The following SNX25 variants were observed in gnomAD, a reference collection of about 807,000 sequenced individuals.
The protein encoded by SNX25 is sorting nexin-25.
In SNX25, 62 loss-of-function variants were observed where a neutral mutation model predicts 113.7. The ratio of observed to expected loss-of-function variants is 0.55; its 90% confidence interval spans 0.44 to 0.67. SNX25 has a LOEUF of 0.67. Ranked by LOEUF, SNX25 falls within the 30% of genes least tolerant of loss-of-function variation. SNX25 has a pLI of 0.00. For synonymous variants in SNX25, 421 were observed against 436.2 expected, an observed-to-expected ratio of 0.97 and a Z score of 0.43; for missense variants, 1,014 against 1,161.0, an observed-to-expected ratio of 0.87 and a Z score of 1.84.
chr4:185,206,693 T>C (rs116636934), upstream of SNX25, among the ~76,000 whole-genome samples: 4,043 of 139,128 alleles, frequency 0.029, 79 homozygotes, highest in Middle Eastern at 0.077. Flanking sequence ...GAATGGAAGA[T>C]GTACTAATCT....
At chr4:185,299,472 C>G (rs1170539874) in intron 6 of SNX25, among the ~76,000 whole-genome samples, 3 of 152,148 alleles carry the variant, frequency 2.0e-5, no homozygotes, top group Non-Finnish European at 4.4e-5. Flanking sequence ...CCAAAAGCTT[C>G]TGGTTCTGTA....
At chr4:185,221,930 C>T (rs985045098) in intron 1 of SNX25, among the ~76,000 whole-genome samples, 2 of 152,124 alleles carry the variant, frequency 1.3e-5, no homozygotes, top group African/African-American at 4.8e-5. Flanking sequence ...TTCTCCTTCA[C>T]TGTAGATATA....
At chr4:185,333,448 G>C (rs554099823) in intron 10 of SNX25, among the ~76,000 whole-genome samples, 2 of 152,286 alleles carry the variant, frequency 1.3e-5, no homozygotes, top group Non-Finnish European at 2.9e-5. Context: ...GTGAGCAGGT[G>C]CCCAATCCTA....
chr4:185,324,858 G>A (rs2095145220), intron 9 of SNX25, among the ~76,000 whole-genome samples: 2 of 152,180 alleles, frequency 1.3e-5, no homozygotes, highest in African/African-American at 2.4e-5. Flanking sequence ...AGGGGACGGA[G>A]AGTTTTCTGG....
At position 185,254,673 on chromosome 4, in the gene SNX25, T is replaced by C. The variant is rs934470828; in HGVS notation, c.515-4175T>C. Among the ~76,000 whole-genome samples the C allele has an allele frequency of 2.6e-5, 4 of 152,332 alleles. No homozygotes were observed. The South Asian group carries it at 8.3e-4, about 32-fold the overall frequency. On this transcript the variant is annotated intron_variant, in intron 2 of 18. Transcript: ENST00000652585. ...TTTTTCTCTACTTTGTTACCCTAAA[T>C]CCTGTTTTCAGGTTAACCTAACTAA...
intron 1 of SNX25, among the ~76,000 whole-genome samples, chr4:185,237,519 C>G (rs1298183359): frequency 1.3e-5 from 2 of 152,006 alleles, no homozygotes; most frequent in African/African-American, 4.8e-5. Flanking sequence ...TTTAGAAAAC[C>G]CCTCAATCAA....
At chr4:185,290,701 T>C (rs567486474) in intron 6 of SNX25, among the ~76,000 whole-genome samples, 1 of 152,206 alleles carries the variant, frequency 6.6e-6, no homozygotes, top group South Asian at 2.1e-4. Context: ...TGTATTCTGG[T>C]TGAATTTTAA....
At chr4:185,228,054 G>A (rs1741278160) in intron 1 of SNX25, among the ~76,000 whole-genome samples, 1 of 152,180 alleles carries the variant, frequency 6.6e-6, no homozygotes, top group African/African-American at 2.4e-5. Flanking sequence ...GACCGAGGGT[G>A]TGCCCCGGAC....
At chr4:185,367,360 C>T (rs77624707), downstream of SNX25, 2,377 of 888,630 alleles carry the variant, frequency 2.7e-3, 37 homozygotes, top group African/African-American at 0.037. Flanking sequence ...CAGTGAATTT[C>T]AAGAAAATTT....
chr4:185,356,553 G>A (rs569245011), intron 15 of SNX25, among the ~76,000 whole-genome samples: 2 of 152,100 alleles, frequency 1.3e-5, no homozygotes, highest in Non-Finnish European at 2.9e-5. Flanking sequence ...TTGACTTTAC[G>A]TGAAGAATTC....
At chr4:185,265,421 C>G (rs1312272831) in intron 4 of SNX25, among the ~76,000 whole-genome samples, 2 of 152,106 alleles carry the variant, frequency 1.3e-5, no homozygotes, top group Non-Finnish European at 2.9e-5. Flanking sequence ...ATTTGTGTAT[C>G]TAAGTATAGA....
chr4:185,301,361 A>T (rs1300355013), intron 6 of SNX25, among the ~76,000 whole-genome samples: 1 of 152,212 alleles, frequency 6.6e-6, no homozygotes, highest in East Asian at 1.9e-4. Flanking sequence ...GCATCTCTTC[A>T]TCTGTATCGT....
chr4:185,340,265 G>A (rs1158582845), intron 11 of SNX25, among the ~76,000 whole-genome samples: 1 of 152,094 alleles, frequency 6.6e-6, no homozygotes, highest in Non-Finnish European at 1.5e-5. Flanking sequence ...TCAAGCCAGT[G>A]GCTTGACACT....
Position 185,218,900 on chromosome 4 carries a change from T to A in SNX25, c.429+8645T>A, listed in dbSNP as rs199774907. Among the ~76,000 whole-genome samples, 32 of 147,740 alleles carry A rather than the reference T, an allele frequency of 2.2e-4. No homozygotes were observed. The East Asian group carries it at 6.1e-3, about 28-fold the overall frequency. ...ATTAAACTAATTTTAAAGTTTTTTT[T>A]AATGAGGTTCTGATCTCATACAGAA... On this transcript the variant is annotated intron_variant, in intron 1 of 18. Transcript: ENST00000652585.
At chr4:185,226,528 G>C (rs1741022917) in intron 1 of SNX25, among the ~76,000 whole-genome samples, 1 of 152,208 alleles carries the variant, frequency 6.6e-6, no homozygotes, top group Non-Finnish European at 1.5e-5. Context: ...ATAGCTCACT[G>C]TAGCCTTGAC....
intron 6 of SNX25, among the ~76,000 whole-genome samples, chr4:185,300,459 C>T (rs993747607): frequency 6.6e-5 from 10 of 151,664 alleles, no homozygotes; most frequent in African/African-American, 2.2e-4. Context: ...TGAGCCACCG[C>T]GCCTGGCCAC....
At chr4:185,265,624 A>C (rs982927502) in intron 4 of SNX25, among the ~76,000 whole-genome samples, 1 of 152,232 alleles carries the variant, frequency 6.6e-6, no homozygotes, top group Non-Finnish European at 1.5e-5. Context: ...ACATTTATTT[A>C]AAATTTTATT....
chr4:185,239,386 G>A (rs1164786194), intron 1 of SNX25, among the ~76,000 whole-genome samples: 2 of 152,188 alleles, frequency 1.3e-5, no homozygotes, highest in East Asian at 1.9e-4. Context: ...GGGAGGCTGA[G>A]GCAGGAGAAT....
intron 13 of SNX25, among the ~76,000 whole-genome samples, chr4:185,350,302 C>T (rs2095308899): frequency 6.6e-6 from 1 of 152,246 alleles, no homozygotes; most frequent in Non-Finnish European, 1.5e-5. Flanking sequence ...TCCACCTCCC[C>T]CACACTCTGT....
Sources: allele counts gnomAD v4.1 joint callset (sites outside exome capture counted in the v4.1 genomes callset), GRCh38; gene constraint gnomAD v4.1.1; transcripts MANE v1.5; gene names NCBI Gene and HGNC (gene_info 2026-07-23, HGNC 2026-07-21).